Variants in AFF4 observed in about 807,000 individuals in gnomAD.
The protein encoded by AFF4 is AF4/FMR2 family member 4.
In AFF4, 13 loss-of-function variants were observed where a neutral mutation model predicts 124.8. The observed-to-expected ratio is 0.10, with a 90% CI of 0.07 to 0.17. The LOEUF (loss-of-function observed/expected upper bound fraction) is 0.17. Ranked by LOEUF, AFF4 falls within the 10% of genes least tolerant of loss-of-function variation. AFF4 has a pLI of 1.00. For missense variants in AFF4, 1,092 were observed against 1,403.8 expected (o/e 0.78, Z 3.55); for synonymous variants, 477 against 496.1 (o/e 0.96, Z 0.51).
intron 1 of AFF4, among the ~76,000 whole-genome samples, chr5:132,962,801 CTTCTTTT>C (rs1762109408): frequency 7.5e-6 from 1 of 133,412 alleles, no homozygotes; most frequent in African/African-American, 3.3e-5. Context: ...GAAATTTTTC[CTTCTTTT>C]TTTTTTTTTT....
Position 132,934,706 on chromosome 5 carries a change from G to A in AFF4, c.359C>T (p.Ser120Phe). ...PVGPAPSTSQ[S>F]QKRSSGLQSG... ...CTGTAAGCCTGAGGACCGTTTCTGA[G>A]ACTGAGAAGTGCTGGGTGCGGGTCC... is the stretch of plus-strand genomic sequence containing the variant. Residue 120 changes from serine (S) to phenylalanine (F), a missense_variant, in exon 3 of 21, where the codon TCT becomes TTT. Transcript: ENST00000265343. The A allele has an allele frequency of 1.9e-6, 3 of 1,614,096 alleles. No homozygotes were observed. Among genetic ancestry groups the A allele is most frequent in the Non-Finnish European group, 2.5e-6 (3 of 1,180,012 alleles).
At chr5:132,955,049 G>A (rs1281456430) in intron 1 of AFF4, among the ~76,000 whole-genome samples, 1 of 152,140 alleles carries the variant, frequency 6.6e-6, no homozygotes, top group Non-Finnish European at 1.5e-5. Flanking sequence ...TCAGCAGGAT[G>A]GGGAGCTGGA....
At chr5:132,888,070 G>A (rs375661472) in intron 15 of AFF4, 27 bp downstream of exon 15, 34 of 1,606,598 alleles carry the variant, frequency 2.1e-5, no homozygotes, top group South Asian at 6.6e-5. Context: ...GATTAAATAC[G>A]TAAGTGTAAG....
intron 1 of AFF4, among the ~76,000 whole-genome samples, chr5:132,958,465 CAAAAAAAAAA>C (rs34337170): frequency 1.1e-4 from 6 of 55,710 alleles, no homozygotes; most frequent in African/African-American, 5.1e-4. Context: ...GACCCTGTCT[CAAAAAAAAAA>C]AAAAAAAAAA....
At chr5:132,948,904 T>C (rs1761762761) in intron 1 of AFF4, among the ~76,000 whole-genome samples, 2 of 152,162 alleles carry the variant, frequency 1.3e-5, no homozygotes, top group South Asian at 4.1e-4. Context: ...TCCTTGACCT[T>C]ATTTACACTT....
Position 132,959,276 on chromosome 5 carries a change from C to A in AFF4, c.-5+3983G>T, listed in dbSNP as rs1294580544. Among the ~76,000 whole-genome samples, 3 of 152,142 alleles carry A rather than the reference C, an allele frequency of 2.0e-5. No homozygotes were observed. In the South Asian group the frequency reaches 6.2e-4, roughly 32 times the overall value. Reference sequence around the variant, plus strand: ...AAGTAGCTGGGACTACAGGCGCCACCATGCCCAGCTAATTTTTGTATTTTT... The same window carrying A: ...AAGTAGCTGGGACTACAGGCGCCACAATGCCCAGCTAATTTTTGTATTTTT... On this transcript the variant is annotated intron_variant, in intron 1 of 20. Coordinates refer to ENST00000265343, the MANE Select transcript of AFF4 (RefSeq NM_014423.4).
chr5:132,958,233 T>C (rs750877655), intron 1 of AFF4, among the ~76,000 whole-genome samples: 41 of 152,130 alleles, frequency 2.7e-4, no homozygotes, highest in East Asian at 9.6e-4. Context: ...AGTCCCATAG[T>C]AGCTGCATAA....
At chr5:132,952,227 G>A (rs897915098) in intron 1 of AFF4, among the ~76,000 whole-genome samples, 5 of 152,132 alleles carry the variant, frequency 3.3e-5, no homozygotes, top group African/African-American at 1.2e-4. Flanking sequence ...CCAAAATGCC[G>A]TCCGTATCCA....
Position 132,896,982 on chromosome 5 carries a change from G to C in AFF4, c.1648C>G (p.Pro550Ala). 2 of 1,614,164 alleles carry C rather than the reference G, an allele frequency of 1.2e-6. No individual in the cohort carries two copies. Among genetic ancestry groups the C allele is most frequent in the Non-Finnish European group, 1.7e-6 (2 of 1,180,026 alleles). Residue 550 changes from proline to alanine, a missense_variant, in exon 11 of 21, where the codon CCT (proline) becomes GCT (alanine). By Grantham distance (27) the Pro-to-Ala change is conservative. Coordinates refer to ENST00000265343, the MANE Select transcript of AFF4 (RefSeq NM_014423.4). ...SESGRGRQKSPAQSDSTTQRR... is the reference protein window; with the variant it reads ...SESGRGRQKSAAQSDSTTQRR... ...TGTGTTGTGCTGTCACTCTGTGCAG[G>C]AGATTTCTGCCTCCCACGCCCACTT...
At chr5:132,946,709 A>G (rs1268944589) in intron 1 of AFF4, among the ~76,000 whole-genome samples, 1 of 152,192 alleles carries the variant, frequency 6.6e-6, no homozygotes, top group Non-Finnish European at 1.5e-5. Flanking sequence ...AACAGACAGT[A>G]TTGATGATTG....
chr5:132,943,119 T>C (rs182267328), intron 1 of AFF4: 27 of 173,326 alleles, frequency 1.6e-4, no homozygotes, highest in African/African-American at 5.7e-4. Flanking sequence ...CATCTCAGGC[T>C]GACTGTGCTA....
chr5:132,913,311 C>G (rs1210633621), intron 5 of AFF4, among the ~76,000 whole-genome samples: 3 of 152,244 alleles, frequency 2.0e-5, no homozygotes, highest in Non-Finnish European at 4.4e-5. Flanking sequence ...AACATATATA[C>G]AAATCCAAAA....
chr5:132,920,946 T>C (rs1030493953), intron 5 of AFF4, among the ~76,000 whole-genome samples: 6 of 151,532 alleles, frequency 4.0e-5, no homozygotes, highest in Admixed American at 2.6e-4. Flanking sequence ...ACTAACACGG[T>C]GAAATCCCGT....
intron 5 of AFF4, 63 bp downstream of exon 5, chr5:132,927,058 A>G: frequency 2.1e-6 from 3 of 1,396,882 alleles, no homozygotes; most frequent in Non-Finnish European, 3.0e-6. Flanking sequence ...TTTAATCCAT[A>G]TGATTTTAGT....
intron 11 of AFF4, among the ~76,000 whole-genome samples, chr5:132,893,724 C>T (rs569162094): frequency 2.8e-4 from 43 of 152,176 alleles, no homozygotes; most frequent in African/African-American, 9.4e-4. Context: ...ATGATCCGCC[C>T]GCCTTGGCCT....
intron 8 of AFF4, among the ~76,000 whole-genome samples, 197 bp downstream of exon 8, chr5:132,899,390 G>A (rs763909033): frequency 5.9e-5 from 9 of 151,872 alleles, no homozygotes; most frequent in Admixed American, 1.3e-4. Context: ...AATAAATGTT[G>A]AGGAAAACCC....
chr5:132,892,455 A>G (rs750509232), intron 12 of AFF4, 51 bp from the exon 13 acceptor site: 5 of 1,542,882 alleles, frequency 3.2e-6, no homozygotes, highest in Non-Finnish European at 2.6e-6. Context: ...ATACAGGGGT[A>G]ATTGATTTTT....
At chr5:132,892,051 A>C in intron 13 of AFF4, 113 bp downstream of exon 13, 6 of 1,438,434 alleles carry the variant, frequency 4.2e-6, no homozygotes, top group Non-Finnish European at 5.8e-6. Context: ...TAAAAGACAT[A>C]GGCCTATATA....
chr5:132,959,844 A>G (rs1762044141), intron 1 of AFF4, among the ~76,000 whole-genome samples: 1 of 138,054 alleles, frequency 7.2e-6, no homozygotes, highest in Non-Finnish European at 1.5e-5. Context: ...GACTCACTGC[A>G]AGCTCCGCCT....
Sources: allele counts gnomAD v4.1 joint callset (sites outside exome capture counted in the v4.1 genomes callset), GRCh38; gene constraint gnomAD v4.1.1; transcripts MANE v1.5; gene names NCBI Gene and HGNC (gene_info 2026-07-23, HGNC 2026-07-21).